The following CTNNBL1 variants were observed in gnomAD, a reference collection of about 807,000 sequenced individuals.
CTNNBL1 encodes the protein beta-catenin-like protein 1.
Under a neutral mutation model 72.7 loss-of-function variants are expected in CTNNBL1, and 31 were observed. The observed-to-expected ratio is 0.43, with a 90% CI of 0.32 to 0.58. The LOEUF (loss-of-function observed/expected upper bound fraction) is 0.58, where lower values mean the gene tolerates loss of function less well. Ranked by LOEUF, CTNNBL1 falls within the 20% of genes least tolerant of loss-of-function variation. CTNNBL1 has a pLI of 0.08. For synonymous variants in CTNNBL1, 240 were observed against 267.3 expected (o/e 0.90, Z 1.00); for missense variants, 534 against 725.1 (o/e 0.74, Z 3.03).
intron 15 of CTNNBL1, among the ~76,000 whole-genome samples, chr20:37,863,366 T>C (rs1031869865): frequency 1.3e-5 from 2 of 152,172 alleles, no homozygotes; most frequent in Non-Finnish European, 2.9e-5. Flanking sequence ...GAGATCCCTA[T>C]CCTTGAGGCG....
In CTNNBL1 at chr20:37,718,209, G is replaced by T. The variant is rs866437072; in HGVS notation, c.31-14670G>T. Among the ~76,000 whole-genome samples the T allele has an allele frequency of 3.7e-3, 446 of 121,782 alleles. 4 individuals are homozygous for T. Among genetic ancestry groups the T allele is most frequent in the African/African-American group, 0.014 (423 of 31,206 alleles). 79.9% of individuals were successfully genotyped at this position (121,782 alleles called of 152,430 possible). ...CCGGGCAGAGGCGCCCCTCACCTCC[G>T]GGACGGGGCGGCTGGCCGGGCGGGG... On this transcript the variant is annotated intron_variant, in intron 1 of 15. Coordinates refer to ENST00000361383, the MANE Select transcript of CTNNBL1 (RefSeq NM_030877.5).
intron 15 of CTNNBL1, among the ~76,000 whole-genome samples, chr20:37,866,400 C>T (rs977064643): frequency 1.1e-4 from 17 of 152,222 alleles, no homozygotes; most frequent in Admixed American, 1.0e-3. Context: ...CAAGCAAGCT[C>T]TGTCGCTTTC....
intron 5 of CTNNBL1, among the ~76,000 whole-genome samples, chr20:37,762,007 T>C (rs1010115000): frequency 2.0e-5 from 3 of 151,742 alleles, no homozygotes; most frequent in African/African-American, 7.3e-5. Flanking sequence ...GGTGAAGAGG[T>C]TGGGTGGCAT....
intron 15 of CTNNBL1, among the ~76,000 whole-genome samples, chr20:37,861,615 G>A (rs924868375): frequency 1.3e-5 from 2 of 152,316 alleles, no homozygotes; most frequent in African/African-American, 2.4e-5. Context: ...TCCAGGTGGC[G>A]GATGAAATGT....
At chr20:37,709,231 G>T (rs2122556355) in intron 1 of CTNNBL1, among the ~76,000 whole-genome samples, 2 of 152,328 alleles carry the variant, frequency 1.3e-5, no homozygotes, top group East Asian at 3.9e-4. Context: ...AAGCAGGCAT[G>T]ATTGATTCTT....
intron 1 of CTNNBL1, among the ~76,000 whole-genome samples, chr20:37,698,771 C>T (rs575915162): frequency 6.6e-5 from 10 of 152,288 alleles, no homozygotes; most frequent in South Asian, 2.1e-4. Flanking sequence ...TGAGGCCAAG[C>T]GTGGTTGTTC....
At chr20:37,814,971 A>C (rs2072042668) in intron 11 of CTNNBL1, among the ~76,000 whole-genome samples, 1 of 152,160 alleles carries the variant, frequency 6.6e-6, no homozygotes, top group African/African-American at 2.4e-5. Flanking sequence ...ATTGTGAAAA[A>C]AGATGAAAGG....
At chr20:37,783,127 T>G (rs1204853263) in intron 10 of CTNNBL1, among the ~76,000 whole-genome samples, 2 of 152,302 alleles carry the variant, frequency 1.3e-5, no homozygotes, top group East Asian at 3.9e-4. Context: ...CCCAGGCTGA[T>G]CTTGAACTCC....
chr20:37,774,406 C>G (rs1458834952), intron 7 of CTNNBL1, among the ~76,000 whole-genome samples: 1 of 152,180 alleles, frequency 6.6e-6, no homozygotes, highest in African/African-American at 2.4e-5. Context: ...TGCTTCTCAG[C>G]TGGCACTGCT....
chr20:37,752,467 T>G (rs1194832548), intron 4 of CTNNBL1, among the ~76,000 whole-genome samples: 1 of 152,196 alleles, frequency 6.6e-6, no homozygotes, highest in East Asian at 1.9e-4. Flanking sequence ...ATCAGTTATA[T>G]TCTCTGAATC....
intron 3 of CTNNBL1, among the ~76,000 whole-genome samples, chr20:37,741,393 T>C (rs1223629350): frequency 1.3e-5 from 2 of 152,212 alleles, no homozygotes; most frequent in African/African-American, 4.8e-5. Flanking sequence ...TGCCAGCTAT[T>C]ATTAGGCACT....
At chr20:37,775,820 A>G (rs2073568517) in intron 7 of CTNNBL1, among the ~76,000 whole-genome samples, 1 of 152,254 alleles carries the variant, frequency 6.6e-6, no homozygotes, top group Admixed American at 6.5e-5. Context: ...TTAGATCCAC[A>G]GAAAGGCCAT....
intron 1 of CTNNBL1, 134 bp downstream of exon 1, chr20:37,694,286 G>C (rs924117594): frequency 1.1e-5 from 8 of 744,520 alleles, no homozygotes; most frequent in Non-Finnish European, 1.6e-5. Flanking sequence ...CGGGGTCTCA[G>C]CCCCTCGTTT....
intron 1 of CTNNBL1, 35 bp downstream of exon 1, chr20:37,694,187 C>G (rs961167754): frequency 1.3e-6 from 2 of 1,565,890 alleles, no homozygotes; most frequent in Non-Finnish European, 1.7e-6. Context: ...CGACCGCGTT[C>G]TCACCTGGGC....
chr20:37,724,968 G>A (rs1408014172), intron 1 of CTNNBL1, among the ~76,000 whole-genome samples: 1 of 144,188 alleles, frequency 6.9e-6, no homozygotes, highest in Admixed American at 7.2e-5. Flanking sequence ...CTGGAATACA[G>A]TGGCATGACC....
rs1292779116 is a variant in CTNNBL1, at chr20:37,803,861, C to CT, written c.1213+823dup. On this transcript the variant is annotated intron_variant, in intron 11 of 15. Coordinates refer to ENST00000361383, the MANE Select transcript of CTNNBL1 (RefSeq NM_030877.5). ...AATGTTCGTCCCATGGTTTAGGAGG[C>CT]TTTTTTTTTTGTCAGTGCTTGGTGG... Among the ~76,000 whole-genome samples the CT allele has an allele frequency of 4.9e-4, 71 of 144,642 alleles. 1 individual carries two copies. The East Asian group carries it at 5.9e-3, about 12-fold the overall frequency. 94.9% of individuals were successfully genotyped at this position (144,642 alleles called of 152,430 possible). A position where few individuals can be genotyped will look rare whatever the true frequency, so the allele number is the denominator to read the frequency against.
At position 37,727,077 on chromosome 20, in the gene CTNNBL1, A is replaced by G. The variant is rs78498948; in HGVS notation, c.31-5802A>G. Among the ~76,000 whole-genome samples, 430 of 152,128 alleles carry G rather than the reference A, an allele frequency of 2.8e-3. 3 individuals are homozygous for G. Among genetic ancestry groups the G allele is most frequent in the Middle Eastern group, 0.014 (4 of 294 alleles). Reference sequence around the variant, plus strand: ...CGTTCTGGTGATGTAGCCTCTTCCTATGGTACATTACTTTGAGCTCAATAT... The same window carrying G: ...CGTTCTGGTGATGTAGCCTCTTCCTGTGGTACATTACTTTGAGCTCAATAT... On this transcript the variant is annotated intron_variant, in intron 1 of 15. Transcript: ENST00000361383.
At chr20:37,694,286 G>A (rs924117594) in intron 1 of CTNNBL1, 134 bp downstream of exon 1, 1 of 744,520 alleles carries the variant, frequency 1.3e-6, no homozygotes, top group East Asian at 3.3e-5. Context: ...CGGGGTCTCA[G>A]CCCCTCGTTT....
At chr20:37,728,263 TAAC>T (rs2073101866) in intron 1 of CTNNBL1, among the ~76,000 whole-genome samples, 2 of 152,204 alleles carry the variant, frequency 1.3e-5, no homozygotes. Context: ...GAATGTAAAA[TAAC>T]AAATGAATAA....
Sources: allele counts gnomAD v4.1 joint callset (sites outside exome capture counted in the v4.1 genomes callset), GRCh38; gene constraint gnomAD v4.1.1; transcripts MANE v1.5; gene names NCBI Gene and HGNC (gene_info 2026-07-23, HGNC 2026-07-21).